Variants in DLEU7 observed in about 807,000 individuals in gnomAD.
DLEU7 encodes deleted in lymphocytic leukemia 7.
In DLEU7, 17 loss-of-function variants were observed where a neutral mutation model predicts 16.0. The ratio of observed to expected loss-of-function variants is 1.06; its 90% confidence interval spans 0.73 to 1.59. The LOEUF (loss-of-function observed/expected upper bound fraction) is 1.59. Ranked by LOEUF, DLEU7 falls within the 40% of genes most tolerant of loss-of-function variation. The pLI, the probability that DLEU7 is intolerant of heterozygous loss-of-function variation, is 0.00. For synonymous variants in DLEU7, 113 were observed against 139.8 expected, an observed-to-expected ratio of 0.81 and a Z score of 1.35; for missense variants, 308 against 314.9, an observed-to-expected ratio of 0.98 and a Z score of 0.17.
chr13:50,720,497 A>G (rs1873572398), intron 1 of DLEU7, among the ~76,000 whole-genome samples: 1 of 152,222 alleles, frequency 6.6e-6, no homozygotes, highest in Admixed American at 6.5e-5. Context: ...GCAACATGCA[A>G]CCTGTGTGAA....
intron 1 of DLEU7, among the ~76,000 whole-genome samples, chr13:50,803,707 A>G (rs1876309192): frequency 6.6e-6 from 1 of 152,140 alleles, no homozygotes; most frequent in Non-Finnish European, 1.5e-5. Flanking sequence ...AAAAAAGGTG[A>G]TGCATTTCTT....
At chr13:50,814,819 T>C (rs1178286294) in intron 1 of DLEU7, among the ~76,000 whole-genome samples, 3 of 150,212 alleles carry the variant, frequency 2.0e-5, no homozygotes, top group Non-Finnish European at 4.4e-5. Context: ...GTGTATGTAC[T>C]GTACCAATCC....
chr13:50,722,409 A>G (rs1243445767), intron 1 of DLEU7, among the ~76,000 whole-genome samples: 2 of 152,202 alleles, frequency 1.3e-5, no homozygotes, highest in African/African-American at 4.8e-5. Flanking sequence ...GACTTTGTTA[A>G]CAAATCCTCA....
At chr13:50,718,766 C>G (rs2706242) in intron 1 of DLEU7, among the ~76,000 whole-genome samples, 25,208 of 152,092 alleles carry the variant, frequency 0.17, 3,157 homozygotes, top group African/African-American at 0.35. Flanking sequence ...TGTAATTCTA[C>G]ATAGAAGCAA....
chr13:50,795,189 G>A (rs1390003836), intron 1 of DLEU7, among the ~76,000 whole-genome samples: 1 of 152,066 alleles, frequency 6.6e-6, no homozygotes, highest in East Asian at 1.9e-4. Context: ...TAGAGAAGGG[G>A]CCAACCCTGG....
chr13:50,755,457 C>T (rs1032497073), intron 1 of DLEU7, among the ~76,000 whole-genome samples: 4 of 152,086 alleles, frequency 2.6e-5, no homozygotes, highest in Admixed American at 1.3e-4. Context: ...CTCTGAATTT[C>T]GTTCTTCTAC....
chr13:50,810,368 A>G (rs1372195296), intron 1 of DLEU7, among the ~76,000 whole-genome samples: 3 of 152,130 alleles, frequency 2.0e-5, no homozygotes, highest in African/African-American at 4.8e-5. Context: ...CAGAGTTTCC[A>G]TCTTTTAATT....
chr13:50,826,408 G>A (rs1022430466), intron 1 of DLEU7, among the ~76,000 whole-genome samples: 15 of 152,008 alleles, frequency 9.9e-5, no homozygotes, highest in African/African-American at 3.4e-4. Context: ...AATTATAGTA[G>A]AAATTTAAAA....
chr13:50,783,748 C>T (rs1000197996), intron 1 of DLEU7, among the ~76,000 whole-genome samples: 19 of 152,334 alleles, frequency 1.2e-4, no homozygotes, highest in East Asian at 7.7e-4. Context: ...GTGCTGGAGA[C>T]GTACTGGTGA....
At chr13:50,826,789 A>C (rs1877099799) in intron 1 of DLEU7, among the ~76,000 whole-genome samples, 1 of 152,222 alleles carries the variant, frequency 6.6e-6, no homozygotes, top group Admixed American at 6.5e-5. Context: ...AGAAAGAAAA[A>C]TACAGATGGA....
At chr13:50,742,963 C>T (rs1346627449) in intron 1 of DLEU7, among the ~76,000 whole-genome samples, 1 of 152,050 alleles carries the variant, frequency 6.6e-6, no homozygotes, top group African/African-American at 2.4e-5. Flanking sequence ...GAATTCAGGG[C>T]AATACAGGAT....
At chr13:50,790,016 T>C (rs1875906344) in intron 1 of DLEU7, among the ~76,000 whole-genome samples, 1 of 149,102 alleles carries the variant, frequency 6.7e-6, no homozygotes, top group African/African-American at 2.5e-5. Flanking sequence ...CACTGCAACC[T>C]CCGCCTCCCA....
At chr13:50,836,297 T>C (rs111429370) in intron 1 of DLEU7, among the ~76,000 whole-genome samples, 2,679 of 151,232 alleles carry the variant, frequency 0.018, 37 homozygotes, top group East Asian at 0.037. Context: ...GAGATGGAGA[T>C]ATGGGGGTGG....
Position 50,775,125 on chromosome 13 carries a change from A to G in DLEU7, c.460-61885T>C, listed in dbSNP as rs1875455761. ...TTCTACTTCTGTTATTCTCTGGGGT[A>G]TGTGTTACACTTTTCTGTATCTTTG... On this transcript the variant is annotated intron_variant, in intron 1 of 1. Coordinates refer to the DLEU7 transcript ENST00000400393. 2.0e-5 allele frequency among the ~76,000 whole-genome samples: 3 copies of G among 151,728 alleles called. No individual in the cohort carries two copies. The South Asian group carries it at 6.3e-4, about 32-fold the overall frequency.
intron 1 of DLEU7, among the ~76,000 whole-genome samples, chr13:50,836,806 A>G (rs1010128600): frequency 1.3e-5 from 2 of 152,242 alleles, no homozygotes; most frequent in Admixed American, 6.5e-5. Context: ...AAAGCAGTCC[A>G]GTGCTGGGCC....
At chr13:50,727,972 A>G (rs1873811399) in intron 1 of DLEU7, among the ~76,000 whole-genome samples, 1 of 152,216 alleles carries the variant, frequency 6.6e-6, no homozygotes, top group South Asian at 2.1e-4. Flanking sequence ...CTTTCTTAGT[A>G]GATCTGGGGT....
chr13:50,752,380 G>A (rs1209201304), intron 1 of DLEU7, among the ~76,000 whole-genome samples: 1 of 152,052 alleles, frequency 6.6e-6, no homozygotes, highest in Non-Finnish European at 1.5e-5. Context: ...TAGGCGTTTA[G>A]GGCTATGAAC....
At chr13:50,763,328 C>T (rs1453357705) in intron 1 of DLEU7, among the ~76,000 whole-genome samples, 1 of 152,144 alleles carries the variant, frequency 6.6e-6, no homozygotes, top group East Asian at 1.9e-4. Flanking sequence ...TTAGGAAAAT[C>T]AGTCTAGTGT....
intron 1 of DLEU7, among the ~76,000 whole-genome samples, chr13:50,766,968 G>C (rs74483707): frequency 0.011 from 1,639 of 152,230 alleles, 28 homozygotes; most frequent in African/African-American, 0.038. Flanking sequence ...TCTCCTGCCT[G>C]TCTGAACCCT....
Sources: allele counts gnomAD v4.1 joint callset (sites outside exome capture counted in the v4.1 genomes callset), GRCh38; gene constraint gnomAD v4.1.1; transcripts MANE v1.5; gene names NCBI Gene and HGNC (gene_info 2026-07-23, HGNC 2026-07-21).